PTPRN2: variants seen among roughly 807,000 people sequenced by gnomAD.
PTPRN2 encodes protein tyrosine phosphatase receptor type N2, also known as receptor-type tyrosine-protein phosphatase N2.
PTPRN2 carries 74 observed loss-of-function variants against 118.8 expected under a neutral mutation model. The ratio of observed to expected loss-of-function variants is 0.62; its 90% CI spans 0.52 to 0.76. The LOEUF (loss-of-function observed/expected upper bound fraction) is 0.76, where lower values mean the gene tolerates loss of function less well. Ranked by LOEUF, PTPRN2 falls within the 30% of genes least tolerant of loss-of-function variation. The probability of loss-of-function intolerance (pLI) is 0.00; values close to 1 mark genes in which losing one functional copy is unlikely to be tolerated. For missense variants in PTPRN2, 1,481 were observed against 1,394.4 expected, an observed-to-expected ratio of 1.06 and a Z score of -0.99; for synonymous variants, 641 against 608.0, an observed-to-expected ratio of 1.05 and a Z score of -0.80.
In PTPRN2 at chr7:158,064,392, C is replaced by T. The variant is rs185349807; in HGVS notation, c.1723+16906G>A. Among the ~76,000 whole-genome samples the T allele has an allele frequency of 5.1e-3, 769 of 152,170 alleles. 8 individuals carry two copies. Among genetic ancestry groups the T allele is most frequent in the African/African-American group, 0.017 (700 of 41,522 alleles). On this transcript the variant is annotated intron_variant, in intron 11 of 22. Coordinates refer to ENST00000389418, the MANE Select transcript of PTPRN2 (RefSeq NM_002847.5). ...AGATGCCCAGGACAGCCACAGCCCC[C>T]GGGAGAGCATGGGAGGTGCATGAGG...
Position 158,146,637 on chromosome 7 carries a change from T to C in PTPRN2, c.911-8122A>G, listed in dbSNP as rs192166577. ...TCAGGAGCCTGAGGCAGAAGAATGG[T>C]GTGAACCCAGGAGGCGGAGCTAGTA... On this transcript the variant is annotated intron_variant, in intron 6 of 22. Transcript: ENST00000389418. Among the ~76,000 whole-genome samples, 1,212 of 146,674 alleles carry C rather than the reference T, an allele frequency of 8.3e-3. 39 individuals are homozygous for C. Among genetic ancestry groups the C allele is most frequent in the African/African-American group, 0.029 (1,123 of 39,056 alleles).
rs906491351 is a variant in PTPRN2, at chr7:157,629,413, AAAT to A, written c.2197-7907_2197-7905del. Among the ~76,000 whole-genome samples, 1 of 152,166 alleles carries A rather than the reference AAAT, an allele frequency of 6.6e-6. No individual in the cohort carries two copies. The highest frequency in any genetic ancestry group is 1.5e-5 in the Non-Finnish European group (1 of 68,026). ...CAAGATGATTTATTATTATTATTAA[AAAT>A]AATAATGAGAATAAACTCCCACCAT... On this transcript the variant is annotated intron_variant, in intron 14 of 22. Transcript: ENST00000389418. The surrounding 1 kb of genome is among the most constrained non-coding windows in gnomAD (Gnocchi z 4.4).
intron 11 of PTPRN2, among the ~76,000 whole-genome samples, chr7:157,981,923 TC>T (rs537333028): frequency 6.6e-6 from 1 of 152,078 alleles, no homozygotes; most frequent in Non-Finnish European, 1.5e-5. Flanking sequence ...GAATGTGGGG[TC>T]CCCCCAAACC....
intron 11 of PTPRN2, among the ~76,000 whole-genome samples, chr7:158,069,966 A>G (rs1034505238): frequency 3.3e-5 from 5 of 152,266 alleles, no homozygotes; most frequent in Admixed American, 1.3e-4. Context: ...TGAGTCGTCC[A>G]AAGTCACAAA....
chr7:157,751,284 G>A (rs544730461), intron 12 of PTPRN2, among the ~76,000 whole-genome samples: 41 of 152,316 alleles, frequency 2.7e-4, no homozygotes, highest in Admixed American at 2.4e-3. Flanking sequence ...CAGTTTGCGC[G>A]CACTGGACAA....
At position 157,621,518 on chromosome 7, in the gene PTPRN2, G is replaced by A. The variant is rs746631138; in HGVS notation, c.2197-9C>T. 7 of 1,611,650 alleles carry A rather than the reference G, an allele frequency of 4.3e-6. No individual in the cohort carries two copies. The Admixed American group carries it at 8.3e-5, about 19-fold the overall frequency. ...TGGTCCTCCATGTAGGACTGAAAGG[G>A]AAACACAGGGTCAGGAGCGCACCTA... On this transcript the variant is annotated splice_polypyrimidine_tract_variant and intron_variant, in intron 14 of 22. Transcript: ENST00000389418.
At chr7:158,023,442 A>G (rs927319996) in intron 11 of PTPRN2, among the ~76,000 whole-genome samples, 8 of 152,060 alleles carry the variant, frequency 5.3e-5, no homozygotes, top group Non-Finnish European at 1.2e-4. Context: ...CTTTGCGGTA[A>G]TTAACACTCT....
chr7:157,816,981 C>T (rs1383451499), intron 12 of PTPRN2, among the ~76,000 whole-genome samples: 1 of 152,242 alleles, frequency 6.6e-6, no homozygotes, highest in Non-Finnish European at 1.5e-5. Context: ...GGGCTGCCGA[C>T]CACATGCCTC....
chr7:157,697,812 C>CAA (rs1797877107), intron 12 of PTPRN2, among the ~76,000 whole-genome samples: 1 of 110,660 alleles, frequency 9.0e-6, no homozygotes, highest in African/African-American at 3.7e-5. Context: ...ACTGGGTCTT[C>CAA]GCAGAGCCCT....
intron 2 of PTPRN2, among the ~76,000 whole-genome samples, chr7:158,330,435 C>G (rs1804136841): frequency 9.9e-6 from 1 of 100,766 alleles, no homozygotes; most frequent in East Asian, 3.2e-4. Context: ...ACACTCTCAC[C>G]ATAAGAGCTG....
At chr7:157,811,361 C>A (rs1554455411) in intron 12 of PTPRN2, among the ~76,000 whole-genome samples, 1 of 117,026 alleles carries the variant, frequency 8.5e-6, no homozygotes, top group African/African-American at 3.3e-5. Context: ...TATATATATG[C>A]ACACACATGT....
At chr7:158,074,397 A>C (rs1812189506) in intron 11 of PTPRN2, among the ~76,000 whole-genome samples, 1 of 152,230 alleles carries the variant, frequency 6.6e-6, no homozygotes, top group Non-Finnish European at 1.5e-5. Flanking sequence ...TCCTCTGGCC[A>C]CGGAAGCCTC....
At position 157,724,297 on chromosome 7, in the gene PTPRN2, A is replaced by G. The variant is rs188933833; in HGVS notation, c.1789-41360T>C. Among the ~76,000 whole-genome samples, 20 of 152,348 alleles carry G rather than the reference A, an allele frequency of 1.3e-4. No individual in the cohort carries two copies. The East Asian group carries it at 3.7e-3, about 28-fold the overall frequency. On this transcript the variant is annotated intron_variant, in intron 12 of 22. Transcript: ENST00000389418. ...TACAAATAGCAGCCTGAAACTGTTC[A>G]TTTTCTCTTGTAATTCACAAATAAA...
At chr7:157,895,349 C>T (rs956329048) in intron 12 of PTPRN2, among the ~76,000 whole-genome samples, 1 of 147,952 alleles carries the variant, frequency 6.8e-6, no homozygotes, top group Non-Finnish European at 1.5e-5. Flanking sequence ...AGGGTCTGAA[C>T]GAGTCAATAA....
chr7:158,075,231 A>T (rs964611902), intron 11 of PTPRN2, among the ~76,000 whole-genome samples: 1 of 152,176 alleles, frequency 6.6e-6, no homozygotes, highest in African/African-American at 2.4e-5. Context: ...GAATGGAGTC[A>T]TGGGGTGCAG....
intron 12 of PTPRN2, among the ~76,000 whole-genome samples, chr7:157,700,236 A>C (rs1041306816): frequency 5.9e-5 from 9 of 152,216 alleles, no homozygotes; most frequent in African/African-American, 2.2e-4. Flanking sequence ...TTAAAAAAGA[A>C]ACAAATCTGA....
In PTPRN2 at chr7:158,403,176, C is replaced by A. The variant is rs565020784; in HGVS notation, c.164-86244G>T. ...TGGGAGGTTGAGCAGACAGAATGCA[C>A]GTGGGCACGTGGCCAGAGAGAAACC... is the stretch of plus-strand genomic sequence containing the variant. On this transcript the variant is annotated intron_variant, in intron 2 of 22. Transcript: ENST00000389418. Among the ~76,000 whole-genome samples the A allele has an allele frequency of 1.3e-5, 2 of 152,318 alleles. 1 individual carries two copies. The highest frequency in any genetic ancestry group is 4.1e-4 in the South Asian group (2 of 4,828).
At chr7:158,202,246 A>C (rs1335755391) in intron 4 of PTPRN2, among the ~76,000 whole-genome samples, 1 of 152,220 alleles carries the variant, frequency 6.6e-6, no homozygotes, top group Non-Finnish European at 1.5e-5. Flanking sequence ...AAGAAAAACG[A>C]TCACATTTCC....
At chr7:158,384,549 C>G (rs184426517) in intron 2 of PTPRN2, among the ~76,000 whole-genome samples, 1 of 152,104 alleles carries the variant, frequency 6.6e-6, no homozygotes, top group East Asian at 1.9e-4. Flanking sequence ...AGGAAGAAGG[C>G]GCTTCAACAG....
Sources: allele counts gnomAD v4.1 joint callset (sites outside exome capture counted in the v4.1 genomes callset), GRCh38; gene constraint gnomAD v4.1.1; non-coding constraint Gnocchi (gnomAD v3.1); transcripts MANE v1.5; gene names NCBI Gene and HGNC (gene_info 2026-07-23, HGNC 2026-07-21).